The following ACER2 variants were observed in gnomAD, a reference collection of about 807,000 sequenced individuals.
ACER2 encodes the protein alkaline ceramidase 2.
ACER2 carries 26 observed loss-of-function variants against 34.7 expected under a neutral mutation model. That is an observed-to-expected ratio of 0.75 (90% confidence interval 0.55 to 1.04). ACER2 has a LOEUF of 1.04. Ranked by LOEUF, ACER2 falls within the 50% of genes least tolerant of loss-of-function variation. The pLI, the probability that ACER2 is intolerant of heterozygous loss-of-function variation, is 0.00. For missense variants in ACER2, 352 were observed against 340.8 expected, an observed-to-expected ratio of 1.03 and a Z score of -0.26; for synonymous variants, 138 against 132.1, an observed-to-expected ratio of 1.04 and a Z score of -0.31.
intron 3 of ACER2, among the ~76,000 whole-genome samples, chr9:19,427,916 T>C (rs933014330): frequency 1.6e-4 from 24 of 152,256 alleles, no homozygotes; most frequent in Middle Eastern, 6.8e-3. Flanking sequence ...TCTGCCCACA[T>C]TGGCCTCCCA....
intron 4 of ACER2, among the ~76,000 whole-genome samples, chr9:19,440,392 T>C (rs1831117557): frequency 1.3e-5 from 2 of 152,154 alleles, no homozygotes; most frequent in Admixed American, 1.3e-4. Flanking sequence ...AATAAGGTGA[T>C]GATATTAGGA....
At chr9:19,441,136 G>A (rs1831143062) in intron 4 of ACER2, among the ~76,000 whole-genome samples, 1 of 147,660 alleles carries the variant, frequency 6.8e-6, no homozygotes, top group South Asian at 2.1e-4. Context: ...TGCAACCTCC[G>A]CCTCCCGGGT....
At chr9:19,450,414 G>A in intron 5 of ACER2, 36 bp from the exon 6 acceptor site, 8 of 1,543,254 alleles carry the variant, frequency 5.2e-6, no homozygotes, top group Non-Finnish European at 7.1e-6. Context: ...GAGTCTTCAT[G>A]CTCATCAGGT....
chr9:19,431,070 C>G lies in ACER2; in HGVS notation c.366-3877C>G, dbSNP rs1280223216. ...ACCATTTGGCAGTACTCTGTGGAGC[C>G]TTTGGTGATTGCAACAGCAGCTCAG... On this transcript the variant is annotated intron_variant, in intron 3 of 5. Coordinates refer to ENST00000340967, the MANE Select transcript of ACER2 (RefSeq NM_001010887.3). Among the ~76,000 whole-genome samples, 2 of 152,168 alleles carry G rather than the reference C, an allele frequency of 1.3e-5. 1 individual carries two copies. Among genetic ancestry groups the G allele is most frequent in the African/African-American group, 4.8e-5 (2 of 41,522 alleles).
At chr9:19,441,325 A>G (rs1338218075) in intron 4 of ACER2, among the ~76,000 whole-genome samples, 1 of 152,146 alleles carries the variant, frequency 6.6e-6, no homozygotes, top group East Asian at 1.9e-4. Flanking sequence ...CTGAGATTAC[A>G]GGCATGAGCC....
At chr9:19,428,844 C>T (rs935942878) in intron 3 of ACER2, among the ~76,000 whole-genome samples, 7 of 118,718 alleles carry the variant, frequency 5.9e-5, no homozygotes, top group East Asian at 2.7e-4. Context: ...GGCTAGAGAG[C>T]GGTGGTGCGA....
At chr9:19,442,939 T>C (rs1292517067) in intron 4 of ACER2, among the ~76,000 whole-genome samples, 1 of 152,038 alleles carries the variant, frequency 6.6e-6, no homozygotes, top group Non-Finnish European at 1.5e-5. Context: ...TTCAAGCGAT[T>C]CTCTTACCTC....
At chr9:19,442,421 CA>C (rs1321378146) in intron 4 of ACER2, among the ~76,000 whole-genome samples, 3 of 152,186 alleles carry the variant, frequency 2.0e-5, no homozygotes, top group Non-Finnish European at 4.4e-5. Flanking sequence ...GCCCCGAGTG[CA>C]AATAAGGCTG....
At chr9:19,431,519 T>C (rs1466021231) in intron 3 of ACER2, among the ~76,000 whole-genome samples, 1 of 152,230 alleles carries the variant, frequency 6.6e-6, no homozygotes, top group Non-Finnish European at 1.5e-5. Context: ...AAGGCCCAAT[T>C]GCCTTGGCAT....
intron 1 of ACER2, among the ~76,000 whole-genome samples, chr9:19,410,734 T>A (rs1049748447): frequency 6.6e-6 from 1 of 152,112 alleles, no homozygotes; most frequent in Non-Finnish European, 1.5e-5. Flanking sequence ...CCACAGATAC[T>A]GTGAAAGACA....
intron 1 of ACER2, among the ~76,000 whole-genome samples, chr9:19,421,581 C>G (rs984577223): frequency 4.6e-5 from 7 of 151,836 alleles, no homozygotes; most frequent in African/African-American, 1.7e-4. Context: ...TTGGTGAATG[C>G]CAGGGGCTGA....
chr9:19,410,631 G>T (rs1368513108), intron 1 of ACER2, among the ~76,000 whole-genome samples: 1 of 152,264 alleles, frequency 6.6e-6, no homozygotes, highest in East Asian at 1.9e-4. Context: ...GATCACCTGA[G>T]CCTGGGAGTT....
intron 1 of ACER2, among the ~76,000 whole-genome samples, chr9:19,410,653 T>C (rs1830061035): frequency 6.6e-6 from 1 of 152,140 alleles, no homozygotes; most frequent in African/African-American, 2.4e-5. Flanking sequence ...AAGGCTGCAA[T>C]GAACTGAGAT....
At position 19,409,046 on chromosome 9, in the gene ACER2, C is replaced by G. The variant is rs1167980562; in HGVS notation, c.-39C>G. 6.6e-7 allele frequency: 1 copy of G among 1,524,732 alleles called. No homozygotes were observed. Among genetic ancestry groups the G allele is most frequent in the Admixed American group, 2.1e-5 (1 of 47,292 alleles). The allele number at this position is 1,524,732 out of a possible 1,614,324, so 94.5% of individuals were successfully genotyped here. On this transcript the variant is annotated 5_prime_UTR_variant, in exon 1 of 6. Coordinates refer to ENST00000340967, the MANE Select transcript of ACER2 (RefSeq NM_001010887.3). ...CTCCGCAGCAGCTCTGGGCTCTTCT[C>G]AGCTGCGCGAGCAGCTGCTCCAATG...
chr9:19,432,017 T>C (rs909416455), intron 3 of ACER2, among the ~76,000 whole-genome samples: 2 of 152,166 alleles, frequency 1.3e-5, no homozygotes, highest in Non-Finnish European at 2.9e-5. Flanking sequence ...GCCTTGGAAA[T>C]CATCTAGTCC....
rs201027615 is a variant in ACER2, at chr9:19,424,743, T to A, written c.267T>A (p.Gly89=). The change falls in exon 3 of 6, where the codon GGT becomes GGA. Residue 89 remains glycine (G), a synonymous_variant. Coordinates refer to ENST00000340967, the MANE Select transcript of ACER2 (RefSeq NM_001010887.3). ...VYFHATLSFL[G]QMLDELAVLW... ...TCCATGCAACCCTTAGTTTCTTGGG[T>A]CAGATGCTTGATGAACTTGCAGTCC... The A allele has an allele frequency of 1.4e-5, 23 of 1,613,984 alleles. No homozygotes were observed. The highest frequency in any genetic ancestry group is 2.7e-5 in the African/African-American group (2 of 74,906).
intron 5 of ACER2, among the ~76,000 whole-genome samples, chr9:19,447,637 T>C (rs892063552): frequency 6.6e-6 from 1 of 152,214 alleles, no homozygotes; most frequent in African/African-American, 2.4e-5. Flanking sequence ...TAGGTAAATA[T>C]GACCTCATTC....
chr9:19,415,494 C>CAATAAATA (rs528544612), intron 1 of ACER2, among the ~76,000 whole-genome samples: 27 of 148,970 alleles, frequency 1.8e-4, no homozygotes, highest in Admixed American at 7.4e-4. Flanking sequence ...GACTCCATCT[C>CAATAAATA]AATAAATAAA....
chr9:19,435,283 T>C (rs1830923456), intron 4 of ACER2, among the ~76,000 whole-genome samples, 199 bp downstream of exon 4: 1 of 152,156 alleles, frequency 6.6e-6, no homozygotes, highest in Non-Finnish European at 1.5e-5. Flanking sequence ...GGAGCAGCTG[T>C]TGAGCAGATG....
Sources: allele counts gnomAD v4.1 joint callset (sites outside exome capture counted in the v4.1 genomes callset), GRCh38; gene constraint gnomAD v4.1.1; transcripts MANE v1.5; gene names NCBI Gene and HGNC (gene_info 2026-07-23, HGNC 2026-07-21).